The following CADM2 variants were observed in gnomAD, a reference collection of about 807,000 sequenced individuals.
The protein encoded by CADM2 is cell adhesion molecule 2, also known as immunoglobulin superfamily member 4D.
CADM2 carries 12 observed loss-of-function variants against 49.8 expected under a neutral mutation model. That is an observed-to-expected ratio of 0.24 (90% CI 0.15 to 0.39). The LOEUF (loss-of-function observed/expected upper bound fraction) is 0.39. Among genes scored for constraint, CADM2 ranks in the 10% least tolerant of loss-of-function variants. The pLI is 1.00. For missense variants in CADM2, 378 were observed against 492.3 expected (o/e 0.77, Z 2.20); for synonymous variants, 214 against 175.4 (o/e 1.22, Z -1.74).
chr3:85,930,425 C>T (rs926427138), intron 6 of CADM2, among the ~76,000 whole-genome samples: 2 of 152,108 alleles, frequency 1.3e-5, no homozygotes, highest in African/African-American at 4.8e-5. Flanking sequence ...TCTATCCCCT[C>T]AAGCATTTAT....
chr3:85,279,412 C>A (rs1212398295), intron 1 of CADM2, among the ~76,000 whole-genome samples: 1 of 151,386 alleles, frequency 6.6e-6, no homozygotes, highest in Non-Finnish European at 1.5e-5. Context: ...ATAGAAGATA[C>A]AATACTCTTC....
At chr3:85,370,568 C>A (rs1183761278) in intron 1 of CADM2, among the ~76,000 whole-genome samples, 1 of 152,116 alleles carries the variant, frequency 6.6e-6, no homozygotes. Flanking sequence ...CCTACTGTGT[C>A]TGCAGTTATA....
At chr3:85,283,079 T>C (rs2043544347) in intron 1 of CADM2, among the ~76,000 whole-genome samples, 1 of 152,100 alleles carries the variant, frequency 6.6e-6, no homozygotes, top group South Asian at 2.1e-4. Flanking sequence ...AGAATTTGTA[T>C]ATTGAGATGT....
chr3:85,165,053 A>C (rs1901545), intron 1 of CADM2, among the ~76,000 whole-genome samples: 9,159 of 151,878 alleles, frequency 0.06, 916 homozygotes, highest in African/African-American at 0.21. Context: ...TTAAAAGTCA[A>C]TAGCTACATG....
chr3:85,981,069 C>T (rs1727418595), intron 8 of CADM2, among the ~76,000 whole-genome samples: 1 of 151,108 alleles, frequency 6.6e-6, no homozygotes, highest in East Asian at 1.9e-4. Flanking sequence ...TTGAAAAGTA[C>T]TATTGTTCTT....
intron 1 of CADM2, among the ~76,000 whole-genome samples, chr3:84,988,128 T>C (rs141284052): frequency 6.6e-6 from 1 of 152,216 alleles, no homozygotes; most frequent in Non-Finnish European, 1.5e-5. Context: ...AGAGCCAGAT[T>C]GGATGCTGCT....
rs572177963 is a variant in CADM2 at position 85,890,040 on chromosome 3, A to T, written c.529+3713A>T. On this transcript the variant is annotated intron_variant, in intron 5 of 9. Coordinates refer to ENST00000383699, the MANE Select transcript of CADM2 (RefSeq NM_001167675.2). ...CCAAACAGTGACAGAAGCAAGTCTC[A>T]GTCGATCTAGAGGTTTATTTTGCCA... is the stretch of plus-strand genomic sequence containing the variant. Among the ~76,000 whole-genome samples the T allele has an allele frequency of 1.4e-4, 21 of 152,282 alleles. No individual in the cohort carries two copies. The South Asian group carries it at 4.3e-3, about 32-fold the overall frequency.
chr3:85,471,566 T>A (rs2038764931), intron 1 of CADM2, among the ~76,000 whole-genome samples: 1 of 152,050 alleles, frequency 6.6e-6, no homozygotes, highest in South Asian at 2.1e-4. Context: ...GGTGCTGGAA[T>A]TTTTTAGTTA....
At chr3:85,695,097 C>G (rs989205016) in intron 1 of CADM2, among the ~76,000 whole-genome samples, 1 of 152,010 alleles carries the variant, frequency 6.6e-6, no homozygotes, top group African/African-American at 2.4e-5. Context: ...ACACCATGAT[C>G]CACTCCCAAG....
chr3:85,483,704 G>C (rs1188651614), intron 1 of CADM2, among the ~76,000 whole-genome samples: 1 of 150,122 alleles, frequency 6.7e-6, no homozygotes, highest in African/African-American at 2.4e-5. Flanking sequence ...CGTATATCCA[G>C]ATATGTATAT....
Position 86,013,546 on chromosome 3 carries a change from G to C in CADM2, c.970+51899G>C, listed in dbSNP as rs1226646215. ...TTGTTTTCTTCAAAAACACAGCAGAGGCAGATGGTAGAGATCTGTGAGAGC... is the reference window on the plus strand; with the variant it reads ...TTGTTTTCTTCAAAAACACAGCAGACGCAGATGGTAGAGATCTGTGAGAGC... On this transcript the variant is annotated intron_variant, in intron 8 of 9. Coordinates refer to ENST00000383699, the MANE Select transcript of CADM2 (RefSeq NM_001167675.2). The C allele has an allele frequency of 3.7e-6, 6 of 1,604,938 alleles. No homozygotes were observed. In the Admixed American group the frequency reaches 8.4e-5, roughly 22 times the overall value.
intron 1 of CADM2, among the ~76,000 whole-genome samples, chr3:85,158,210 T>C (rs1417398094): frequency 6.6e-6 from 1 of 152,288 alleles, no homozygotes; most frequent in East Asian, 1.9e-4. Context: ...GGAGAGGATA[T>C]GGAGAAATAG....
At chr3:85,630,952 A>T (rs984845384) in intron 1 of CADM2, among the ~76,000 whole-genome samples, 1 of 152,060 alleles carries the variant, frequency 6.6e-6, no homozygotes, top group African/African-American at 2.4e-5. Context: ...TCCTACGGCT[A>T]TAAGACATAT....
intron 1 of CADM2, among the ~76,000 whole-genome samples, chr3:85,716,191 C>G (rs1429814583): frequency 2.0e-5 from 3 of 152,158 alleles, no homozygotes; most frequent in Admixed American, 2.0e-4. Flanking sequence ...TTTTAATGAT[C>G]ACCATTCTAA....
intron 1 of CADM2, among the ~76,000 whole-genome samples, chr3:85,481,470 A>T (rs941714963): frequency 4.6e-5 from 7 of 151,684 alleles, no homozygotes; most frequent in Non-Finnish European, 7.4e-5. Context: ...AGTTGGATAC[A>T]ATCTACTAAC....
chr3:85,114,741 TAAGACTTAGTTTCA>T (rs2038582471), intron 1 of CADM2, among the ~76,000 whole-genome samples: 1 of 152,178 alleles, frequency 6.6e-6, no homozygotes, highest in Non-Finnish European at 1.5e-5. Flanking sequence ...TTAACCTTTC[TAAGACTTAGTTTCA>T]TGATATGTGA....
At chr3:85,804,536 C>T (rs969625591) in intron 3 of CADM2, among the ~76,000 whole-genome samples, 5 of 152,138 alleles carry the variant, frequency 3.3e-5, no homozygotes, top group African/African-American at 7.2e-5. Context: ...TTTATAACAA[C>T]ACTTGTACTG....
In CADM2 at chr3:85,898,533, A is replaced by G. The variant is rs139028414; in HGVS notation, c.529+12206A>G. ...AATAGATTAGTTTGCATTTTCTGCA[A>G]TTTTACATAAAAAGAATCATAGGGT... On this transcript the variant is annotated intron_variant, in intron 5 of 9. Transcript: ENST00000383699. Among the ~76,000 whole-genome samples the G allele has an allele frequency of 3.3e-3, 506 of 151,220 alleles. 4 individuals carry two copies. Among genetic ancestry groups the G allele is most frequent in the African/African-American group, 0.011 (447 of 41,228 alleles).
chr3:85,387,573 T>C (rs1209975762), intron 1 of CADM2, among the ~76,000 whole-genome samples: 1 of 152,234 alleles, frequency 6.6e-6, no homozygotes, highest in African/African-American at 2.4e-5. Context: ...CTTGTATAAC[T>C]TTCTGCAGGC....
Sources: allele counts gnomAD v4.1 joint callset (sites outside exome capture counted in the v4.1 genomes callset), GRCh38; gene constraint gnomAD v4.1.1; transcripts MANE v1.5; gene names NCBI Gene and HGNC (gene_info 2026-07-23, HGNC 2026-07-21).